TCF7L2: variants seen among roughly 807,000 people sequenced by gnomAD.
TCF7L2 encodes transcription factor 7-like 2.
In TCF7L2, 23 loss-of-function variants were observed where a neutral mutation model predicts 77.9. That is an observed-to-expected ratio of 0.30 (90% CI 0.21 to 0.42). The LOEUF (loss-of-function observed/expected upper bound fraction) is 0.42. Among genes scored for constraint, TCF7L2 ranks in the 10% least tolerant of loss-of-function variants. TCF7L2 has a pLI of 1.00. For synonymous variants in TCF7L2, 413 were observed against 340.2 expected (o/e 1.21, Z -2.36); for missense variants, 654 against 793.1 (o/e 0.82, Z 2.11).
chr10:113,091,842 C>T (rs1263221570), intron 5 of TCF7L2, among the ~76,000 whole-genome samples: 7 of 152,230 alleles, frequency 4.6e-5, no homozygotes, highest in African/African-American at 1.7e-4. Context: ...GTTTAAGGAG[C>T]ATTCCCTTTA....
chr10:112,988,250 A>G (rs1297478802), intron 4 of TCF7L2, among the ~76,000 whole-genome samples: 1 of 151,838 alleles, frequency 6.6e-6, no homozygotes, highest in Non-Finnish European at 1.5e-5. Context: ...GGTGCCTGCC[A>G]CCAGGCTGGG....
intron 5 of TCF7L2, among the ~76,000 whole-genome samples, chr10:113,075,042 C>G (rs140544908): frequency 6.6e-6 from 1 of 152,222 alleles, no homozygotes; most frequent in Non-Finnish European, 1.5e-5. Context: ...GGGTCTGGCT[C>G]TGTTGTCCAG....
chr10:113,039,238 C>G (rs1283292518), intron 4 of TCF7L2, among the ~76,000 whole-genome samples: 1 of 152,314 alleles, frequency 6.6e-6, no homozygotes, highest in East Asian at 1.9e-4. Flanking sequence ...GTTCAAATCT[C>G]ACTGAAAGCT....
intron 5 of TCF7L2, among the ~76,000 whole-genome samples, chr10:113,064,594 C>T (rs190794342): frequency 3.2e-4 from 49 of 152,336 alleles, no homozygotes; most frequent in African/African-American, 1.1e-3. Context: ...TACTACTGTT[C>T]ATCAGCTTTT....
At chr10:113,084,052 G>A (rs368697349) in intron 5 of TCF7L2, among the ~76,000 whole-genome samples, 2 of 152,154 alleles carry the variant, frequency 1.3e-5, no homozygotes, top group African/African-American at 4.8e-5. Context: ...TTTCAGAGAC[G>A]CACAAATCCA....
chr10:113,152,823 C>T (rs543784230), intron 11 of TCF7L2, among the ~76,000 whole-genome samples: 46 of 152,174 alleles, frequency 3.0e-4, no homozygotes, highest in Non-Finnish European at 6.2e-4. Flanking sequence ...GTGTGGCCTT[C>T]TAGGGAAGAC....
chr10:113,062,605 A>C (rs1387466744), intron 5 of TCF7L2, among the ~76,000 whole-genome samples: 2 of 151,878 alleles, frequency 1.3e-5, no homozygotes, highest in Non-Finnish European at 2.9e-5. Flanking sequence ...ATAGGGTGGC[A>C]GGTGAGAATA....
At chr10:113,148,073 T>C (rs1326912888) in intron 8 of TCF7L2, among the ~76,000 whole-genome samples, 2 of 152,202 alleles carry the variant, frequency 1.3e-5, no homozygotes, top group African/African-American at 4.8e-5. Flanking sequence ...CTTGCCCTGT[T>C]CCAGAACACC....
chr10:112,998,394 A>C (rs555182526), intron 4 of TCF7L2, among the ~76,000 whole-genome samples: 3 of 152,342 alleles, frequency 2.0e-5, no homozygotes, highest in African/African-American at 7.2e-5. Flanking sequence ...AGGGTTGCAC[A>C]TGTGAAAGAA....
chr10:112,977,753 G>A (rs908596226), intron 4 of TCF7L2, among the ~76,000 whole-genome samples: 1 of 152,160 alleles, frequency 6.6e-6, no homozygotes, highest in African/African-American at 2.4e-5. Flanking sequence ...GGGACCACTT[G>A]GGGGAAAGGG....
At chr10:113,139,166 T>G (rs907123205) in intron 5 of TCF7L2, among the ~76,000 whole-genome samples, 7 of 152,136 alleles carry the variant, frequency 4.6e-5, no homozygotes, top group South Asian at 2.1e-4. Flanking sequence ...TGTCAGCGGG[T>G]ATGTATCTTT....
At chr10:113,085,183 T>A (rs2059708606) in intron 5 of TCF7L2, among the ~76,000 whole-genome samples, 1 of 151,786 alleles carries the variant, frequency 6.6e-6, no homozygotes, top group South Asian at 2.1e-4. Flanking sequence ...CCTTTCACCT[T>A]GGCCTTCTGA....
At chr10:113,128,678 C>T (rs1297200915) in intron 5 of TCF7L2, among the ~76,000 whole-genome samples, 1 of 152,000 alleles carries the variant, frequency 6.6e-6, no homozygotes, top group Non-Finnish European at 1.5e-5. Flanking sequence ...GGGAAAAGAC[C>T]GGAAAAGCGT....
intron 13 of TCF7L2, among the ~76,000 whole-genome samples, chr10:113,162,715 T>C (rs1759171669): frequency 6.6e-6 from 1 of 152,202 alleles, no homozygotes; most frequent in Admixed American, 6.5e-5. Context: ...TCCCAGCAGA[T>C]ATTTTTCTTT....
intron 4 of TCF7L2, among the ~76,000 whole-genome samples, chr10:113,036,949 C>T (rs1484462710): frequency 1.3e-5 from 2 of 152,014 alleles, no homozygotes; most frequent in Non-Finnish European, 2.9e-5. Flanking sequence ...CACAGGGTTC[C>T]AGCCCTTTTG....
chr10:113,043,793 A>G (rs964678249), intron 5 of TCF7L2, among the ~76,000 whole-genome samples: 1 of 152,024 alleles, frequency 6.6e-6, no homozygotes, highest in African/African-American at 2.4e-5. Flanking sequence ...TTCCTCTTAC[A>G]AAATGAGTGC....
At chr10:113,159,133 A>AT (rs1666247111) in intron 12 of TCF7L2, among the ~76,000 whole-genome samples, 2 of 150,030 alleles carry the variant, frequency 1.3e-5, no homozygotes, top group South Asian at 4.2e-4. Context: ...CAGTATGATT[A>AT]TTTTTTCCTT....
intron 7 of TCF7L2, 40 bp downstream of exon 7, chr10:113,144,065 C>A: frequency 6.7e-7 from 1 of 1,491,048 alleles, no homozygotes; most frequent in Non-Finnish European, 9.3e-7. Context: ...TTGTTTCTTA[C>A]ATGGGCATGT....
intron 5 of TCF7L2, among the ~76,000 whole-genome samples, chr10:113,123,213 C>A (rs535994084): frequency 6.6e-6 from 1 of 152,182 alleles, no homozygotes; most frequent in Non-Finnish European, 1.5e-5. Context: ...CTGATGCGGT[C>A]GTGCTGGGGA....
Sources: allele counts gnomAD v4.1 joint callset (sites outside exome capture counted in the v4.1 genomes callset), GRCh38; gene constraint gnomAD v4.1.1; transcripts MANE v1.5; gene names NCBI Gene and HGNC (gene_info 2026-07-23, HGNC 2026-07-21).